KATNAL2: variants seen among roughly 807,000 people sequenced by gnomAD.
The protein encoded by KATNAL2 is katanin catalytic subunit A1 like 2, also known as katanin p60 ATPase-containing subunit A-like 2.
In KATNAL2, 52 loss-of-function variants were observed where a neutral mutation model predicts 76.3. That is an observed-to-expected ratio of 0.68 (90% confidence interval 0.55 to 0.86). The LOEUF is 0.86. KATNAL2 is among the 40% of genes least tolerant of loss of function. KATNAL2 has a pLI of 0.00. For synonymous variants in KATNAL2, 243 were observed against 244.2 expected (o/e 1.00, Z 0.05); for missense variants, 660 against 668.9 (o/e 0.99, Z 0.15).
At chr18:47,075,254 T>C (rs759898243) in intron 13 of KATNAL2, 23 bp from the exon 14 acceptor site, 4 of 1,536,002 alleles carry the variant, frequency 2.6e-6, no homozygotes, top group Non-Finnish European at 3.5e-6. Context: ...GCTTGAACAC[T>C]TGCTTGCTTT....
chr18:46,921,504 G>A (rs926941003), intron 1 of KATNAL2, among the ~76,000 whole-genome samples: 1 of 152,224 alleles, frequency 6.6e-6, no homozygotes, highest in East Asian at 1.9e-4. Context: ...TGTAACTTTA[G>A]CAAAGTCTCA....
intron 3 of KATNAL2, among the ~76,000 whole-genome samples, chr18:46,948,671 G>T (rs536538361): frequency 6.6e-6 from 1 of 151,172 alleles, no homozygotes; most frequent in Non-Finnish European, 1.5e-5. Flanking sequence ...CAGGTGATCC[G>T]CCTGCCTTGG....
intron 3 of KATNAL2, among the ~76,000 whole-genome samples, chr18:47,041,345 A>G (rs1228360298): frequency 6.6e-6 from 1 of 152,070 alleles, no homozygotes; most frequent in East Asian, 1.9e-4. Flanking sequence ...GAAATCTTGT[A>G]CTCTACCTAT....
At chr18:47,037,536 GT>G (rs959704702) in intron 3 of KATNAL2, among the ~76,000 whole-genome samples, 1 of 151,962 alleles carries the variant, frequency 6.6e-6, no homozygotes, top group African/African-American at 2.4e-5. Context: ...CTCATTCTTA[GT>G]TTTTTTTAAT....
In KATNAL2 at chr18:47,100,922, G is replaced by A; in HGVS notation, c.1534G>A (p.Asp512Asn). Residue 512 changes from aspartate (D) to asparagine (N), a missense_variant, in exon 18 of 18, where the codon GAT (aspartate) becomes AAT (asparagine). Physicochemically the swap from Asp to Asn is conservative, Grantham distance 23. Coordinates refer to ENST00000683218, the MANE Select transcript of KATNAL2 (RefSeq NM_001387690.1). ...LDIVTTADFL[D>N]VLTHTKPSAK... The stretch of plus-strand genomic sequence containing the variant: ...TATAGTAACCACTGCCGACTTTCTG[G>A]ATGTGCTAACTCACACCAAGCCCTC... 2 of 1,614,052 alleles carry A rather than the reference G, an allele frequency of 1.2e-6. No individual in the cohort carries two copies. The highest frequency in any genetic ancestry group is 1.7e-6 in the Non-Finnish European group (2 of 1,180,028).
intron 3 of KATNAL2, among the ~76,000 whole-genome samples, chr18:46,948,461 G>T (rs1031670970): frequency 7.5e-6 from 1 of 132,724 alleles, no homozygotes; most frequent in Non-Finnish European, 1.6e-5. Context: ...TTTTGCTCTT[G>T]TTGCCCGGGC....
chr18:46,943,673 G>A (rs1248942375), intron 1 of KATNAL2, among the ~76,000 whole-genome samples: 1 of 152,244 alleles, frequency 6.6e-6, no homozygotes, highest in African/African-American at 2.4e-5. Flanking sequence ...TGCCTATGGA[G>A]TAGCCATTCC....
At chr18:47,031,010 TCTCCCC>T (rs1381370683) in intron 3 of KATNAL2, among the ~76,000 whole-genome samples, 16 of 6,550 alleles carry the variant, frequency 2.4e-3, no homozygotes, top group African/African-American at 0.012. Flanking sequence ...CCCTCTAGCA[TCTCCCC>T]CCCCCCCCCC....
intron 3 of KATNAL2, chr18:47,033,186 AC>A: frequency 1.2e-6 from 2 of 1,613,892 alleles, no homozygotes; most frequent in Non-Finnish European, 1.7e-6. Context: ...TGTCTCTGCC[AC>A]CGCCGCTGCT....
rs11281082 is a variant in KATNAL2, at chr18:47,066,888, T to TATATATATATATATATATACACAC, written c.727-128_727-127insTATATATATATATACACACATATA. The stretch of plus-strand genomic sequence containing the variant: ...ATATATATATATATATATATATATA[T>TATATATATATATATATATACACAC]ATATAATATGAACAGTTTTTATCAC... On this transcript the variant is annotated intron_variant, in intron 10 of 17. Transcript: ENST00000683218. 1.6e-4 allele frequency: 12 copies of TATATATATATATATATATACACAC among 75,816 alleles called. 1 individual carries two copies. The highest frequency in any genetic ancestry group is 2.8e-4 in the Non-Finnish European group (10 of 35,770). The allele number at this position is 75,816 out of a possible 1,614,324, so 4.7% of individuals were successfully genotyped here. A position where few individuals can be genotyped will look rare whatever the true frequency, so the allele number is the denominator to read the frequency against.
intron 15 of KATNAL2, chr18:47,098,956 C>T (rs2063362258): frequency 3.4e-6 from 1 of 290,498 alleles, no homozygotes; most frequent in Non-Finnish European, 6.4e-6. Flanking sequence ...TTCATTAGTT[C>T]TGAGAATGTG....
chr18:47,081,219 T>C (rs2062503470), intron 15 of KATNAL2, among the ~76,000 whole-genome samples: 1 of 152,126 alleles, frequency 6.6e-6, no homozygotes, highest in Non-Finnish European at 1.5e-5. Flanking sequence ...ATTTCCCAAG[T>C]CTTGGACCTT....
At chr18:47,090,214 C>A (rs867624540) in intron 15 of KATNAL2, among the ~76,000 whole-genome samples, 1 of 152,232 alleles carries the variant, frequency 6.6e-6, no homozygotes. Context: ...TCAAGCAATT[C>A]TCCTGCCTCA....
At chr18:47,035,313 C>T (rs533832703) in intron 3 of KATNAL2, 3 of 1,610,256 alleles carry the variant, frequency 1.9e-6, no homozygotes, top group Admixed American at 3.3e-5. Flanking sequence ...GCAGCTCTGT[C>T]TTTGGGGCTG....
chr18:47,058,973 T>A (rs2571018), intron 7 of KATNAL2, among the ~76,000 whole-genome samples: 71,192 of 151,870 alleles, frequency 0.47, 16,657 homozygotes, highest in Admixed American at 0.55. Context: ...TAGTTAGGAC[T>A]AAACATCCCA....
At chr18:47,066,498 A>G (rs909039258) in intron 10 of KATNAL2, among the ~76,000 whole-genome samples, 1 of 152,314 alleles carries the variant, frequency 6.6e-6, no homozygotes, top group Non-Finnish European at 1.5e-5. Flanking sequence ...TCGCTAGCGA[A>G]AAAAGAGAAA....
chr18:46,931,103 AAATAATAATAATAAT>A (rs36168863), intron 1 of KATNAL2, among the ~76,000 whole-genome samples: 2 of 105,538 alleles, frequency 1.9e-5, no homozygotes, highest in African/African-American at 7.0e-5. Flanking sequence ...CCGTCTCAGG[AAATAATAATAATAAT>A]AATAATAATA....
At chr18:46,925,975 TTTC>T (rs1266242516) in intron 1 of KATNAL2, among the ~76,000 whole-genome samples, 1 of 152,178 alleles carries the variant, frequency 6.6e-6, no homozygotes, top group Non-Finnish European at 1.5e-5. Context: ...TCTTCTCTCT[TTTC>T]TTCTTTATTA....
At chr18:47,097,900 G>A (rs561893338) in intron 15 of KATNAL2, among the ~76,000 whole-genome samples, 16 of 152,208 alleles carry the variant, frequency 1.1e-4, no homozygotes, top group African/African-American at 3.9e-4. Context: ...ACCCTGACTG[G>A]AGAAATCTGA....
Sources: gnomAD v4.1 joint callset for allele counts (sites outside exome capture counted in the v4.1 genomes callset) on GRCh38, gnomAD v4.1.1 for gene constraint, MANE v1.5 for transcripts, NCBI Gene and HGNC (gene_info 2026-07-23, HGNC 2026-07-21) for gene names.